Variants in LINGO2 observed in about 807,000 individuals in gnomAD.
The protein encoded by LINGO2 is leucine rich repeat and Ig domain containing 2.
A neutral mutation model predicts 30.6 loss-of-function variants in LINGO2; 14 were observed. The ratio of observed to expected loss-of-function variants is 0.46; its 90% CI spans 0.30 to 0.72. LINGO2 has a LOEUF of 0.72. LINGO2 is among the 30% of genes least tolerant of loss of function. LINGO2 has a pLI of 0.07. For missense variants in LINGO2, 729 were observed against 751.7 expected, an observed-to-expected ratio of 0.97 and a Z score of 0.35; for synonymous variants, 317 against 288.5, an observed-to-expected ratio of 1.10 and a Z score of -1.00.
intron 5 of LINGO2, among the ~76,000 whole-genome samples, chr9:27,985,938 C>T (rs1403392878): frequency 1.3e-5 from 2 of 151,842 alleles, no homozygotes; most frequent in Non-Finnish European, 1.5e-5. Context: ...TTTCAATTTC[C>T]TCTCCAACCC....
intron 4 of LINGO2, among the ~76,000 whole-genome samples, chr9:28,053,852 A>G (rs1824790151): frequency 6.6e-6 from 1 of 152,086 alleles, no homozygotes; most frequent in Admixed American, 6.6e-5. Context: ...CTTGCACTCT[A>G]ATTGGGAACA....
At chr9:28,491,196 T>TA (rs1461631366) in intron 1 of LINGO2, among the ~76,000 whole-genome samples, 1 of 152,186 alleles carries the variant, frequency 6.6e-6, no homozygotes, top group Non-Finnish European at 1.5e-5. Flanking sequence ...CTTATGGAGC[T>TA]AAAATCAAGG....
rs555579107 is a variant in LINGO2 at position 28,117,224 on chromosome 9, G to T, written c.-86-104819C>A. 1.4e-3 allele frequency among the ~76,000 whole-genome samples: 216 copies of T among 152,116 alleles called. 2 individuals are homozygous for T. Among genetic ancestry groups the T allele is most frequent in the African/African-American group, 5.2e-3 (215 of 41,526 alleles). On this transcript the variant is annotated intron_variant, in intron 4 of 5. Transcript: ENST00000379992. ...GGGTGCCTCCCAGTTAGGCTGCCCG[G>T]GGTTCAGGGGTCAGGGACCCACTTG...
chr9:28,529,005 T>C (rs1821129854), intron 1 of LINGO2, among the ~76,000 whole-genome samples: 1 of 152,178 alleles, frequency 6.6e-6, no homozygotes, highest in South Asian at 2.1e-4. Flanking sequence ...GTATTCTTCC[T>C]AGACTTAACC....
chr9:29,065,100 C>T, the LINGO2 span, among the ~76,000 whole-genome samples: 3 of 152,048 alleles, frequency 2.0e-5, no homozygotes, highest in Non-Finnish European at 4.4e-5. Context: ...GAATTTAGCC[C>T]TAAGATACTC....
intron 2 of LINGO2, among the ~76,000 whole-genome samples, chr9:28,430,354 T>C (rs1413594475): frequency 6.6e-6 from 1 of 152,140 alleles, no homozygotes; most frequent in Admixed American, 6.5e-5. Flanking sequence ...CTTCCTAGTA[T>C]GGCATATAAG....
intron 4 of LINGO2, among the ~76,000 whole-genome samples, chr9:28,068,264 G>A (rs1017777745): frequency 2.0e-5 from 3 of 152,092 alleles, no homozygotes; most frequent in African/African-American, 4.8e-5. Flanking sequence ...AAAGTCCAAG[G>A]CCAAAGTGCT....
intron 1 of LINGO2, among the ~76,000 whole-genome samples, chr9:28,615,599 G>C (rs920643281): frequency 5.3e-5 from 8 of 151,860 alleles, no homozygotes; most frequent in African/African-American, 1.9e-4. Context: ...GCAAAACAAA[G>C]GTAAAGTACA....
intron 5 of LINGO2, among the ~76,000 whole-genome samples, chr9:27,986,373 G>T (rs761897013): frequency 6.6e-6 from 1 of 151,802 alleles, no homozygotes; most frequent in Non-Finnish European, 1.5e-5. Flanking sequence ...TTTGAAATTA[G>T]CACCTGTGAC....
At chr9:28,568,922 G>T (rs1034652331) in intron 1 of LINGO2, among the ~76,000 whole-genome samples, 1 of 151,858 alleles carries the variant, frequency 6.6e-6, no homozygotes, top group Admixed American at 6.6e-5. Flanking sequence ...ACGAGTAAAG[G>T]TTGGTATATA....
At chr9:28,787,939 G>T in the LINGO2 span, among the ~76,000 whole-genome samples, 2 of 152,062 alleles carry the variant, frequency 1.3e-5, no homozygotes, top group East Asian at 3.9e-4. Flanking sequence ...TCCTTAGCTT[G>T]ACAAATGTTT....
chr9:29,016,956 T>A, the LINGO2 span, among the ~76,000 whole-genome samples: 1 of 152,296 alleles, frequency 6.6e-6, no homozygotes, highest in Admixed American at 6.5e-5. Flanking sequence ...GCAAAACAAC[T>A]CAGAGAGATT....
intron 4 of LINGO2, among the ~76,000 whole-genome samples, chr9:28,108,917 CAT>C (rs1465293527): frequency 3.3e-5 from 5 of 152,088 alleles, no homozygotes; most frequent in African/African-American, 1.2e-4. Context: ...TTATCTGAGA[CAT>C]AAGCCTGTGC....
At chr9:28,934,719 C>A in the LINGO2 span, among the ~76,000 whole-genome samples, 6 of 149,064 alleles carry the variant, frequency 4.0e-5, no homozygotes, top group African/African-American at 1.5e-4. Flanking sequence ...GAAAGTAAGA[C>A]AATAGAGAGC....
chr9:28,743,191 C>A, the LINGO2 span, among the ~76,000 whole-genome samples: 1 of 151,552 alleles, frequency 6.6e-6, no homozygotes, highest in Non-Finnish European at 1.5e-5. Flanking sequence ...ATTTATTTAT[C>A]TTTTTAAGTA....
intron 1 of LINGO2, among the ~76,000 whole-genome samples, chr9:28,658,118 A>G (rs181575645): frequency 3.3e-5 from 5 of 152,204 alleles, no homozygotes; most frequent in Admixed American, 6.5e-5. Flanking sequence ...TATAATTTGT[A>G]TGATTTTAAT....
At chr9:28,586,323 T>G (rs1055860940) in intron 1 of LINGO2, among the ~76,000 whole-genome samples, 13 of 152,046 alleles carry the variant, frequency 8.6e-5, no homozygotes, top group African/African-American at 2.9e-4. Context: ...TTTGCACTTT[T>G]AATTATTTCA....
intron 4 of LINGO2, among the ~76,000 whole-genome samples, chr9:28,063,781 T>G (rs760581207): frequency 3.3e-5 from 5 of 152,180 alleles, no homozygotes; most frequent in Non-Finnish European, 5.9e-5. Flanking sequence ...AAGTTACTGA[T>G]GGCTATAGTT....
intron 1 of LINGO2, among the ~76,000 whole-genome samples, chr9:28,609,802 T>C (rs1825840517): frequency 6.6e-6 from 1 of 152,124 alleles, no homozygotes; most frequent in Non-Finnish European, 1.5e-5. Flanking sequence ...TCTTATGGCG[T>C]ACCTTAAATT....
Sources: gnomAD v4.1 joint callset for allele counts (sites outside exome capture counted in the v4.1 genomes callset) on GRCh38, gnomAD v4.1.1 for gene constraint, MANE v1.5 for transcripts, NCBI Gene and HGNC (gene_info 2026-07-23, HGNC 2026-07-21) for gene names.